The following HTR2A variants were observed in gnomAD, a reference collection of about 807,000 sequenced individuals.
HTR2A encodes the protein 5-HT2 receptor.
In HTR2A, 14 loss-of-function variants were observed where a neutral mutation model predicts 31.0. That is an observed-to-expected ratio of 0.45 (90% CI 0.30 to 0.71). HTR2A has a LOEUF of 0.71. HTR2A is among the 30% of genes least tolerant of loss of function. The pLI is 0.09. For synonymous variants in HTR2A, 209 were observed against 225.2 expected, an observed-to-expected ratio of 0.93 and a Z score of 0.64; for missense variants, 442 against 573.3, an observed-to-expected ratio of 0.77 and a Z score of 2.34.
rs1196139872 is a variant in HTR2A, at chr13:46,834,676, T to A, written c.*161A>T. The A allele has an allele frequency of 3.4e-6, 2 of 589,638 alleles. No homozygotes were observed. Among genetic ancestry groups the A allele is most frequent in the African/African-American group, 3.7e-5 (2 of 53,890 alleles). The allele number at this position is 589,638 out of a possible 1,614,324, so 36.5% of individuals were successfully genotyped here. On this transcript the variant is annotated 3_prime_UTR_variant, in exon 4 of 4. Coordinates refer to ENST00000542664, the MANE Select transcript of HTR2A (RefSeq NM_000621.5). ...TTTTCCAAGCACACATTTTGTAGCA[T>A]TGAACCCCGCTTTTCATTGACAGAA...
chr13:46,834,721 A>G lies in HTR2A; in HGVS notation c.*116T>C, dbSNP rs1448350244. The G allele has an allele frequency of 1.4e-6, 1 of 734,672 alleles. No individual in the cohort carries two copies. The highest frequency in any genetic ancestry group is 2.2e-6 in the Non-Finnish European group (1 of 448,938). 45.5% of individuals were successfully genotyped at this position (734,672 alleles called of 1,614,324 possible). ...ACAGAATAAAATGAGGCATACAGAT[A>G]TGATCGTTGGTTCCACTAGACTTGT... On this transcript the variant is annotated 3_prime_UTR_variant, in exon 4 of 4. Coordinates refer to ENST00000542664, the MANE Select transcript of HTR2A (RefSeq NM_000621.5).
At chr13:46,887,233 C>A (rs1160252501) in intron 3 of HTR2A, among the ~76,000 whole-genome samples, 4 of 151,900 alleles carry the variant, frequency 2.6e-5, no homozygotes, top group Non-Finnish European at 4.4e-5. Flanking sequence ...TCCTGGCTAA[C>A]ATGGTGAAAC....
chr13:46,850,922 G>A (rs1003005554), intron 3 of HTR2A, among the ~76,000 whole-genome samples: 6 of 152,102 alleles, frequency 3.9e-5, no homozygotes, highest in Admixed American at 2.6e-4. Flanking sequence ...ATGGTTCCCA[G>A]CTAATTGGTG....
Position 46,895,718 on chromosome 13 carries a change from C to T in HTR2A, c.189G>A (p.Pro63=), listed in dbSNP as rs747587323. The T allele has an allele frequency of 1.1e-5, 18 of 1,613,954 alleles. No homozygotes were observed. The highest frequency in any genetic ancestry group is 4.5e-5 in the East Asian group (2 of 44,892). The stretch of plus-strand genomic sequence containing the variant: ...GGAGATGAAGTAAGGAGAGACACGA[C>T]GGTGAGAGGCACCCTTCACAGGAAA... ...TNLSCEGCLS[P]SCLSLLHLQE... is the part of the protein sequence containing the mutation. The change falls in exon 2 of 4, where the codon CCG becomes CCA. Residue 63 remains proline, a synonymous_variant. Transcript: ENST00000542664. The surrounding 1 kb of genome is among the most constrained non-coding windows in gnomAD (Gnocchi z 4.4).
At chr13:46,841,620 T>C (rs1950597800) in intron 3 of HTR2A, among the ~76,000 whole-genome samples, 1 of 152,068 alleles carries the variant, frequency 6.6e-6, no homozygotes, top group Admixed American at 6.6e-5. Flanking sequence ...CTGTAAGCAG[T>C]TGTGCACTGC....
chr13:46,887,747 T>C (rs932024870), intron 3 of HTR2A, among the ~76,000 whole-genome samples: 11 of 152,116 alleles, frequency 7.2e-5, no homozygotes, highest in African/African-American at 2.4e-4. Context: ...ATGAGAGGAC[T>C]AGTAACAGAA....
chr13:46,834,767 A>ATTT lies in HTR2A; in HGVS notation c.*67_*69dup, dbSNP rs58145637. ...CTTGTCTAATTTTTTCCAATCTCAT[A>ATTT]TTTTTTTTTTTCCAGATAGGTGAAA... On this transcript the variant is annotated 3_prime_UTR_variant, in exon 4 of 4. Transcript: ENST00000542664. 23 of 1,066,762 alleles carry ATTT rather than the reference A, an allele frequency of 2.2e-5. No individual in the cohort carries two copies. Among genetic ancestry groups the ATTT allele is most frequent in the Non-Finnish European group, 2.5e-5 (19 of 762,752 alleles). The allele number at this position is 1,066,762 out of a possible 1,614,324, so 66.1% of individuals were successfully genotyped here.
chr13:46,853,342 C>G (rs1950703679), intron 3 of HTR2A, among the ~76,000 whole-genome samples: 1 of 152,124 alleles, frequency 6.6e-6, no homozygotes, highest in Non-Finnish European at 1.5e-5. Flanking sequence ...CTGCCTGGGC[C>G]ACTTCTCTGA....
At chr13:46,837,063 A>G (rs573574206) in intron 3 of HTR2A, among the ~76,000 whole-genome samples, 12 of 152,310 alleles carry the variant, frequency 7.9e-5, no homozygotes, top group African/African-American at 2.6e-4. Context: ...TCCATCACCC[A>G]GATTTGGGGG....
chr13:46,885,441 A>AT (rs1430404219), intron 3 of HTR2A, among the ~76,000 whole-genome samples: 3 of 152,354 alleles, frequency 2.0e-5, no homozygotes, highest in Non-Finnish European at 4.4e-5. Flanking sequence ...TGGAAAGGGA[A>AT]ACTGGATAAT....
In HTR2A at chr13:46,835,426, G is replaced by C. The variant is rs1023428680; in HGVS notation, c.827C>G (p.Ala276Gly). The C allele has an allele frequency of 1.2e-6, 2 of 1,614,014 alleles. No individual in the cohort carries two copies. The highest frequency in any genetic ancestry group is 2.7e-5 in the African/African-American group (2 of 75,002). ...TLCVSDLGTRAKLASFSFLPQ... is the reference protein window; with the variant it reads ...TLCVSDLGTRGKLASFSFLPQ... ...GAGGAAGCTGAAAGAAGCTAATTTGGCCCGTGTGCCAAGATCACTTACACA... is the reference window on the plus strand; with the variant it reads ...GAGGAAGCTGAAAGAAGCTAATTTGCCCCGTGTGCCAAGATCACTTACACA... Residue 276 changes from alanine to glycine, a missense_variant, in exon 4 of 4, where the codon GCC (alanine) becomes GGC (glycine). Around this residue, in one of 5 missense-constraint regions of HTR2A, gnomAD observed 174 missense variants for 195.1 expected, o/e 0.89. Transcript: ENST00000542664.
At chr13:46,891,916 A>G (rs1178829796) in intron 3 of HTR2A, among the ~76,000 whole-genome samples, 2 of 152,202 alleles carry the variant, frequency 1.3e-5, no homozygotes, top group African/African-American at 4.8e-5. Context: ...GCCTTGCCCC[A>G]AAGCAAATCC....
intron 3 of HTR2A, among the ~76,000 whole-genome samples, chr13:46,858,338 T>C (rs190383995): frequency 6.6e-6 from 1 of 152,016 alleles, no homozygotes; most frequent in East Asian, 1.9e-4. Context: ...AGTACTGAGC[T>C]GCCTTGAAGG....
At chr13:46,866,766 C>T (rs1009788475) in intron 3 of HTR2A, among the ~76,000 whole-genome samples, 3 of 152,154 alleles carry the variant, frequency 2.0e-5, no homozygotes, top group African/African-American at 7.2e-5. Flanking sequence ...GTGGCTCATG[C>T]CAGTAATCCC....
intron 3 of HTR2A, among the ~76,000 whole-genome samples, chr13:46,839,950 G>T (rs1950585923): frequency 6.6e-6 from 1 of 152,058 alleles, no homozygotes; most frequent in African/African-American, 2.4e-5. Context: ...TACATTTCTT[G>T]GGAAATAAGA....
At position 46,896,176 on chromosome 13, in the gene HTR2A, A is replaced by G; in HGVS notation, c.-270T>C. 8.3e-7 allele frequency: 1 copy of G among 1,202,152 alleles called. No homozygotes were observed. The highest frequency in any genetic ancestry group is 3.4e-5 in the South Asian group (1 of 29,514). 74.5% of individuals were successfully genotyped at this position (1,202,152 alleles called of 1,614,324 possible). On this transcript the variant is annotated 5_prime_UTR_variant, in exon 2 of 4. Coordinates refer to ENST00000542664, the MANE Select transcript of HTR2A (RefSeq NM_000621.5). ...ACCAAACCGAGGACAAAAAAGCAGA[A>G]TGAACTTTTAGCATAGAGGTTGCAG...
chr13:46,850,875 T>C (rs914935500), intron 3 of HTR2A, among the ~76,000 whole-genome samples: 5 of 152,336 alleles, frequency 3.3e-5, no homozygotes, highest in African/African-American at 1.2e-4. Context: ...AAATTACAAT[T>C]TTCTCTGCTA....
At chr13:46,865,802 T>G (rs1392941970) in intron 3 of HTR2A, among the ~76,000 whole-genome samples, 2 of 152,240 alleles carry the variant, frequency 1.3e-5, no homozygotes, top group African/African-American at 4.8e-5. Context: ...GTCATTTACT[T>G]AAATATTACA....
At chr13:46,846,796 G>A (rs1950646308) in intron 3 of HTR2A, among the ~76,000 whole-genome samples, 1 of 152,196 alleles carries the variant, frequency 6.6e-6, no homozygotes, top group Non-Finnish European at 1.5e-5. Flanking sequence ...TTTTTTCACA[G>A]GTGTTGTGTT....
Sources: gnomAD v4.1 joint callset for allele counts (sites outside exome capture counted in the v4.1 genomes callset) on GRCh38, gnomAD v4.1.1 for gene constraint, gnomAD v4.1.1 regional missense constraint, Gnocchi (gnomAD v3.1) non-coding constraint, MANE v1.5 for transcripts, NCBI Gene and HGNC (gene_info 2026-07-23, HGNC 2026-07-21) for gene names.